Variants in EHD2 observed in about 807,000 individuals in gnomAD.
The protein encoded by EHD2 is EH domain-containing protein 2.
EHD2 carries 27 observed loss-of-function variants against 41.0 expected under a neutral mutation model. That is an observed-to-expected ratio of 0.66 (90% CI 0.49 to 0.91). The LOEUF is 0.91. Among genes scored for constraint, EHD2 ranks in the 40% least tolerant of loss-of-function variants. The probability of loss-of-function intolerance (pLI) is 0.00; values close to 1 mark genes in which losing one functional copy is unlikely to be tolerated. For missense variants in EHD2, 673 were observed against 773.9 expected (o/e 0.87, Z 1.55); for synonymous variants, 342 against 341.0 (o/e 1.00, Z -0.03).
intron 3 of EHD2, among the ~76,000 whole-genome samples, chr19:47,718,875 C>T (rs1234536488): frequency 7.0e-6 from 1 of 142,994 alleles, no homozygotes; most frequent in Non-Finnish European, 1.5e-5. Context: ...GGTCTGGACT[C>T]CTGGGTCTGA....
rs1358837255 is a variant in EHD2, at chr19:47,719,698, A to C, written c.502+1092A>C. The stretch of plus-strand genomic sequence containing the variant: ...GCCGTCCAGAGGCCCCACGGGAGAA[A>C]GGCAGGAGGCAGCTGCAGAAACGAT... On this transcript the variant is annotated intron_variant, in intron 3 of 5. Transcript: ENST00000263277. The surrounding 1 kb of genome is among the most constrained non-coding windows in gnomAD (Gnocchi z 4.1). Among the ~76,000 whole-genome samples, 1 of 152,066 alleles carries C rather than the reference A, an allele frequency of 6.6e-6. No individual in the cohort carries two copies. Among genetic ancestry groups the C allele is most frequent in the East Asian group, 1.9e-4 (1 of 5,158 alleles).
chr19:47,717,133 CA>C, intron 2 of EHD2, 117 bp downstream of exon 2: 1 of 1,342,478 alleles, frequency 7.4e-7, no homozygotes, highest in South Asian at 1.3e-5. Context: ...TGGCAACCTC[CA>C]CCTCCTGGGT....
rs896345230 is a variant in EHD2, at chr19:47,721,475, G to A, written c.502+2869G>A. Reference sequence around the variant, plus strand: ...ATTACAGGCGCCTGCCACCATGCCCGGCTAATTTTTTTGTATTTTTAGTAG... The same window carrying A: ...ATTACAGGCGCCTGCCACCATGCCCAGCTAATTTTTTTGTATTTTTAGTAG... On this transcript the variant is annotated intron_variant, in intron 3 of 5. Transcript: ENST00000263277. Among the ~76,000 whole-genome samples the A allele has an allele frequency of 7.9e-5, 12 of 151,750 alleles. No homozygotes were observed. The East Asian group carries it at 1.2e-3, about 15-fold the overall frequency.
chr19:47,719,946 ATGTGTG>A lies in EHD2; in HGVS notation c.502+1359_502+1364del, dbSNP rs59665711. 6.1e-5 allele frequency among the ~76,000 whole-genome samples: 9 copies of A among 146,940 alleles called. No homozygotes were observed. The highest frequency in any genetic ancestry group is 1.8e-4 in the African/African-American group (7 of 39,060). On this transcript the variant is annotated intron_variant, in intron 3 of 5. Transcript: ENST00000263277. The surrounding 1 kb of genome is among the most constrained non-coding windows in gnomAD (Gnocchi z 4.1). The stretch of plus-strand genomic sequence containing the variant: ...AGAGTGTCCAGCTGTTGGTGTGTAT[ATGTGTG>A]TGTGTGTGTGTGTGTGTGACTTTGT...
In EHD2 at chr19:47,719,851, G is replaced by C. The variant is rs544649565; in HGVS notation, c.502+1245G>C. On this transcript the variant is annotated intron_variant, in intron 3 of 5. Coordinates refer to ENST00000263277, the MANE Select transcript of EHD2 (RefSeq NM_014601.4). The surrounding 1 kb of genome is among the most constrained non-coding windows in gnomAD (Gnocchi z 4.1). ...GGGGTGCCGGCAGGGGGGTTCAAAG[G>C]CCATGGGTGGTGGGGGAGTGGGGAA... is the stretch of plus-strand genomic sequence containing the variant. Among the ~76,000 whole-genome samples the C allele has an allele frequency of 2.4e-4, 36 of 152,124 alleles. 1 individual carries two copies. The highest frequency in any genetic ancestry group is 1.7e-3 in the Admixed American group (26 of 15,284).
intron 4 of EHD2, among the ~76,000 whole-genome samples, chr19:47,731,913 G>T (rs956242036): frequency 6.9e-6 from 1 of 144,614 alleles, no homozygotes; most frequent in Admixed American, 7.3e-5. Context: ...TCAGCCTCCC[G>T]AGTAGCTGGG....
intron 3 of EHD2, among the ~76,000 whole-genome samples, chr19:47,725,348 G>C (rs1032941549): frequency 1.4e-5 from 2 of 146,520 alleles, no homozygotes; most frequent in African/African-American, 5.1e-5. Flanking sequence ...TCAGGAGTTT[G>C]AGACTAGCCC....
intron 3 of EHD2, among the ~76,000 whole-genome samples, chr19:47,725,396 C>CA (rs10676405): frequency 0.067 from 4,935 of 74,052 alleles, 276 homozygotes; most frequent in African/African-American, 0.13. Context: ...CATCTCTACT[C>CA]AAAAAAAAAA....
chr19:47,717,097 G>T, intron 2 of EHD2, 81 bp downstream of exon 2: 1 of 1,558,900 alleles, frequency 6.4e-7, no homozygotes, highest in East Asian at 2.3e-5. Flanking sequence ...GCCCAGGCTG[G>T]AGTGCAGTGG....
chr19:47,730,870 T>C (rs10411441), intron 4 of EHD2, among the ~76,000 whole-genome samples: 102,959 of 151,936 alleles, frequency 0.68, 35,539 homozygotes, highest in African/African-American at 0.8. Flanking sequence ...TCGCATGTGG[T>C]ACTCCTCTAG....
At chr19:47,729,073 A>G (rs1039164898) in intron 4 of EHD2, among the ~76,000 whole-genome samples, 3 of 152,310 alleles carry the variant, frequency 2.0e-5, no homozygotes, top group Admixed American at 2.0e-4. Flanking sequence ...TGGGGCTCCC[A>G]GTCCTAAATA....
chr19:47,720,225 G>A lies in EHD2; in HGVS notation c.502+1619G>A, dbSNP rs187755100. 3.3e-3 allele frequency among the ~76,000 whole-genome samples: 497 copies of A among 152,004 alleles called. 2 individuals are homozygous for A. The highest frequency in any genetic ancestry group is 0.011 in the African/African-American group (462 of 41,434). The stretch of plus-strand genomic sequence containing the variant: ...GTCGCCCAGGCTGGAGTGGAGTGGC[G>A]CGATCTCGGCTCACTGCAACCTTTG... On this transcript the variant is annotated intron_variant, in intron 3 of 5. Transcript: ENST00000263277.
intron 4 of EHD2, chr19:47,731,189 G>C (rs28523925): frequency 0.057 from 8,450 of 148,298 alleles, 847 homozygotes; most frequent in African/African-American, 0.2. Context: ...CAGGGTGGTG[G>C]TGGAAGGTGG....
At chr19:47,720,341 A>G (rs912771832) in intron 3 of EHD2, among the ~76,000 whole-genome samples, 4 of 150,072 alleles carry the variant, frequency 2.7e-5, no homozygotes, top group African/African-American at 9.8e-5. Context: ...TAATTTTTGT[A>G]TTTTTTTTTA....
rs749225110 is a variant in EHD2 at position 47,725,966 on chromosome 19, C to T, written c.657C>T (p.Asn219=). Residue 219 remains asparagine (N), a synonymous_variant, in exon 4 of 6, where the codon AAC becomes AAT. Transcript: ENST00000263277. ...AGGACAAGATCCGCGTGGTGCTCAA[C>T]AAGGCCGACATGGTGGAGACGCAGC... is the stretch of plus-strand genomic sequence containing the variant. ...GHEDKIRVVL[N]KADMVETQQL... 6.2e-7 allele frequency: 1 copy of T among 1,613,172 alleles called. No individual in the cohort carries two copies. The highest frequency in any genetic ancestry group is 8.5e-7 in the Non-Finnish European group (1 of 1,179,362).
chr19:47,717,801 G>T (rs1026196435), intron 2 of EHD2, among the ~76,000 whole-genome samples: 1 of 151,174 alleles, frequency 6.6e-6, no homozygotes, highest in Non-Finnish European at 1.5e-5. Context: ...CCAGCTACTC[G>T]GGAGGCTGAG....
chr19:47,736,133 T>C (rs1475878859), intron 4 of EHD2, among the ~76,000 whole-genome samples: 2 of 151,538 alleles, frequency 1.3e-5, no homozygotes, highest in Non-Finnish European at 2.9e-5. Flanking sequence ...GAGGCGGAGG[T>C]TGCAGTGAGC....
chr19:47,731,279 A>AAAAAAAAAATATATAT, intron 4 of EHD2: 4 of 60,922 alleles, frequency 6.6e-5, no homozygotes, highest in African/African-American at 1.5e-4. Context: ...AAAAAAAAAA[A>AAAAAAAAAATATATAT]ATATATATAT....
intron 1 of EHD2, among the ~76,000 whole-genome samples, chr19:47,715,078 T>TAAAA (rs549248174): frequency 3.6e-4 from 50 of 139,748 alleles, no homozygotes; most frequent in Middle Eastern, 3.7e-3. Flanking sequence ...AATAAATAAA[T>TAAAA]AAAAAGAAAG....
Sources: allele counts gnomAD v4.1 joint callset (sites outside exome capture counted in the v4.1 genomes callset), GRCh38; gene constraint gnomAD v4.1.1; non-coding constraint Gnocchi (gnomAD v3.1); transcripts MANE v1.5; gene names NCBI Gene and HGNC (gene_info 2026-07-23, HGNC 2026-07-21).